MCRIP1: variants seen among roughly 807,000 people sequenced by gnomAD.
MCRIP1 encodes MAPK regulated corepressor interacting protein 1.
MCRIP1 carries 10 observed loss-of-function variants against 14.4 expected under a neutral mutation model. The observed-to-expected ratio is 0.70, with a 90% CI of 0.43 to 1.18. MCRIP1 has a LOEUF of 1.18. Among genes scored for constraint, MCRIP1 ranks in the 50% most tolerant of loss-of-function variants. The probability of loss-of-function intolerance (pLI) is 0.00; values close to 1 mark genes in which losing one functional copy is unlikely to be tolerated. For synonymous variants in MCRIP1, 53 were observed against 55.7 expected (o/e 0.95, Z 0.21); for missense variants, 119 against 135.4 (o/e 0.88, Z 0.60).
intron 1 of MCRIP1, chr17:81,826,315 G>T: frequency 6.5e-7 from 1 of 1,535,206 alleles, no homozygotes; most frequent in Non-Finnish European, 8.7e-7. Context: ...GCATACAACC[G>T]CCCGCACACA....
intron 1 of MCRIP1, among the ~76,000 whole-genome samples, chr17:81,828,956 A>T (rs2038464911): frequency 6.6e-6 from 1 of 152,168 alleles, no homozygotes; most frequent in Non-Finnish European, 1.5e-5. Context: ...CAGGCAGCTC[A>T]GCCCTAGCTC....
At chr17:81,831,691 A>G (rs933938839) in intron 1 of MCRIP1, among the ~76,000 whole-genome samples, 8 of 152,168 alleles carry the variant, frequency 5.3e-5, no homozygotes, top group Admixed American at 5.2e-4. Flanking sequence ...GGAGCCTGCC[A>G]CCAAGCAGCG....
intron 1 of MCRIP1, among the ~76,000 whole-genome samples, chr17:81,828,846 G>C (rs113488290): frequency 0.23 from 34,637 of 152,160 alleles, 4,481 homozygotes; most frequent in African/African-American, 0.35. Context: ...TGAACCAAGA[G>C]GTCACCATGG....
chr17:81,825,269 T>C, intron 1 of MCRIP1: 1 of 1,104,524 alleles, frequency 9.1e-7, no homozygotes, highest in Non-Finnish European at 1.1e-6. Flanking sequence ...CCCAGGGGAA[T>C]CCACGGCTCT....
intron 1 of MCRIP1, among the ~76,000 whole-genome samples, chr17:81,829,834 G>C (rs1314030974): frequency 6.6e-6 from 1 of 152,184 alleles, no homozygotes; most frequent in Non-Finnish European, 1.5e-5. Flanking sequence ...CCAGCATCAG[G>C]ACAGGTGGAC....
intron 1 of MCRIP1, among the ~76,000 whole-genome samples, chr17:81,828,116 G>A (rs968869291): frequency 1.4e-4 from 22 of 152,096 alleles, no homozygotes; most frequent in Non-Finnish European, 2.1e-4. Flanking sequence ...AAGGAGTCTC[G>A]TTTGCCTCCT....
Position 81,823,793 on chromosome 17 carries a change from C to T in MCRIP1, c.128-280G>A. The T allele has an allele frequency of 3.4e-6, 2 of 585,596 alleles. No homozygotes were observed. The highest frequency in any genetic ancestry group is 6.1e-6 in the Non-Finnish European group (2 of 329,296). 36.3% of individuals were successfully genotyped at this position (585,596 alleles called of 1,614,324 possible). On this transcript the variant is annotated intron_variant, in intron 3 of 4. Transcript: ENST00000455127. This position sits in a 1 kb window ranked among gnomAD's most constrained non-coding sequence, Gnocchi z 6.0. ...CCCAGGCTTCCCTGCGCCTCGGAGG[C>T]AGCGCATCCTCCTCAGCTAGGCCTC...
At chr17:81,825,075 C>T (rs1456398139) in intron 1 of MCRIP1, 1 of 1,013,730 alleles carries the variant, frequency 9.9e-7, no homozygotes, top group African/African-American at 1.7e-5. Flanking sequence ...AAGGTGATCC[C>T]AGCTCCCCGG....
intron 1 of MCRIP1, chr17:81,825,512 G>A: frequency 8.0e-7 from 1 of 1,242,556 alleles, no homozygotes; most frequent in South Asian, 1.4e-5. Context: ...GCCCAAGGCT[G>A]CAGATACTCC....
intron 1 of MCRIP1, chr17:81,824,879 G>C (rs2038356741): frequency 2.4e-6 from 3 of 1,225,910 alleles, no homozygotes; most frequent in Non-Finnish European, 3.1e-6. Flanking sequence ...GGAGCACTGT[G>C]GCCAGAGCCC....
intron 1 of MCRIP1, chr17:81,825,653 CAAAACCAGCAAAGAGCAG>C (rs1235217833): frequency 7.8e-7 from 1 of 1,289,252 alleles, no homozygotes; most frequent in Admixed American, 2.3e-5. Context: ...GGCTCAAGGG[CAAAACCAGCAAAGAGCAG>C]AAAACCAGCT....
At chr17:81,826,387 G>A in intron 1 of MCRIP1, 1 of 1,535,376 alleles carries the variant, frequency 6.5e-7, no homozygotes. Context: ...CACCTGGTGT[G>A]GCAGCATGCA....
chr17:81,823,333 G>A lies in MCRIP1; in HGVS notation c.230-22C>T, dbSNP rs1432118187. 3.3e-6 allele frequency: 5 copies of A among 1,536,906 alleles called. No individual in the cohort carries two copies. Among genetic ancestry groups the A allele is most frequent in the Non-Finnish European group, 4.4e-6 (5 of 1,146,756 alleles). ...AAGGCTGCCAGGGGACAACGCGGTA[G>A]GTGGTGGGCACAGGCCCCTCCTGCC... is the stretch of plus-strand genomic sequence containing the variant. On this transcript the variant is annotated intron_variant, in intron 4 of 4. Coordinates refer to ENST00000455127, the MANE Select transcript of MCRIP1 (RefSeq NM_207368.5). The surrounding 1 kb of genome is among the most constrained non-coding windows in gnomAD (Gnocchi z 6.0).
intron 1 of MCRIP1, chr17:81,825,993 C>G (rs1320727589): frequency 7.4e-7 from 1 of 1,350,432 alleles, no homozygotes; most frequent in Non-Finnish European, 9.7e-7. Context: ...CCTGCTGGCT[C>G]TCACCACTGA....
At chr17:81,825,291 G>A (rs928193011) in intron 1 of MCRIP1, 3 of 1,100,400 alleles carry the variant, frequency 2.7e-6, no homozygotes, top group East Asian at 7.6e-5. Context: ...GAAAAATGGA[G>A]TCTATTTTGA....
At chr17:81,824,806 C>T (rs1216329416) in intron 1 of MCRIP1, 9 of 1,379,174 alleles carry the variant, frequency 6.5e-6, no homozygotes, top group Middle Eastern at 2.7e-4. Flanking sequence ...CGATCAAGCC[C>T]GCTCAGCGGC....
At chr17:81,826,483 A>G in intron 1 of MCRIP1, 1 of 949,660 alleles carries the variant, frequency 1.1e-6, no homozygotes, top group Non-Finnish European at 1.6e-6. Context: ...AGATCGTGGC[A>G]CTGCACTCCA....
At chr17:81,829,563 G>A (rs1567827724) in intron 1 of MCRIP1, among the ~76,000 whole-genome samples, 3 of 152,212 alleles carry the variant, frequency 2.0e-5, no homozygotes, top group African/African-American at 2.4e-5. Flanking sequence ...ACTGGGCTGC[G>A]CCTGACAATT....
At chr17:81,824,895 C>T in intron 1 of MCRIP1, 1 of 1,204,060 alleles carries the variant, frequency 8.3e-7, no homozygotes, top group Non-Finnish European at 1.0e-6. Context: ...AGCCCCTCCC[C>T]ACGTGGGCTG....
Sources: allele counts gnomAD v4.1 joint callset (sites outside exome capture counted in the v4.1 genomes callset), GRCh38; gene constraint gnomAD v4.1.1; non-coding constraint Gnocchi (gnomAD v3.1); transcripts MANE v1.5; gene names NCBI Gene and HGNC (gene_info 2026-07-23, HGNC 2026-07-21).